Variants in SLC7A1 observed in about 807,000 individuals in gnomAD.
SLC7A1 encodes solute carrier family 7 member 1.
SLC7A1 carries 10 observed loss-of-function variants against 53.9 expected under a neutral mutation model. The observed-to-expected ratio is 0.19, with a 90% confidence interval of 0.11 to 0.31. The LOEUF is 0.31. Ranked by LOEUF, SLC7A1 falls within the 10% of genes least tolerant of loss-of-function variation. SLC7A1 has a pLI of 1.00. For missense variants in SLC7A1, 525 were observed against 827.2 expected, an observed-to-expected ratio of 0.63 and a Z score of 4.48; for synonymous variants, 342 against 338.7, an observed-to-expected ratio of 1.01 and a Z score of -0.11.
chr13:29,575,878 T>A (rs1166313440), intron 1 of SLC7A1, among the ~76,000 whole-genome samples: 1 of 152,182 alleles, frequency 6.6e-6, no homozygotes, highest in Non-Finnish European at 1.5e-5. Flanking sequence ...AGCTCCCCAT[T>A]CAGAGCTGAA....
chr13:29,584,256 C>T (rs567378713), intron 1 of SLC7A1, among the ~76,000 whole-genome samples: 1 of 152,222 alleles, frequency 6.6e-6, no homozygotes, highest in South Asian at 2.1e-4. Flanking sequence ...TGGGACCCAG[C>T]CCTCTGCTAG....
intron 1 of SLC7A1, among the ~76,000 whole-genome samples, chr13:29,582,536 C>A (rs1436948937): frequency 6.6e-5 from 10 of 152,334 alleles, no homozygotes; most frequent in African/African-American, 2.4e-4. Context: ...AAGACACATG[C>A]ATCCCAGACC....
At chr13:29,561,490 G>T (rs1225328865) in intron 1 of SLC7A1, among the ~76,000 whole-genome samples, 2 of 152,204 alleles carry the variant, frequency 1.3e-5, no homozygotes, top group African/African-American at 2.4e-5. Flanking sequence ...TATGTCGGGG[G>T]TGTCAGAGTG....
chr13:29,548,434 G>A lies in SLC7A1; in HGVS notation c.-15+5327C>T, dbSNP rs1181708368. On this transcript the variant is annotated intron_variant, in intron 2 of 12. Coordinates refer to ENST00000380752, the MANE Select transcript of SLC7A1 (RefSeq NM_003045.5). ...AGGTGGCATGTCAGTAACCGGGCGA[G>A]GCTGGCACCCTGGTCTGTGATCTGT... Among the ~76,000 whole-genome samples, 4 of 152,236 alleles carry A rather than the reference G, an allele frequency of 2.6e-5. No homozygotes were observed. The East Asian group carries it at 7.7e-4, about 29-fold the overall frequency.
chr13:29,516,350 G>A (rs1263240978), intron 11 of SLC7A1, 104 bp from the exon 12 acceptor site: 11 of 731,038 alleles, frequency 1.5e-5, no homozygotes, highest in East Asian at 2.7e-5. Context: ...GACAGGGACC[G>A]TCGGGCGAGT....
intron 1 of SLC7A1, among the ~76,000 whole-genome samples, chr13:29,559,779 G>A (rs1247032720): frequency 1.3e-5 from 2 of 151,178 alleles, no homozygotes; most frequent in Non-Finnish European, 2.9e-5. Flanking sequence ...GCAGTGGCGC[G>A]ATCTCGGCTC....
intron 8 of SLC7A1, among the ~76,000 whole-genome samples, chr13:29,520,528 C>A (rs910743771): frequency 6.6e-6 from 1 of 152,200 alleles, no homozygotes; most frequent in African/African-American, 2.4e-5. Flanking sequence ...TTAAAACCTG[C>A]ACCCTTATTT....
rs750085551 is a variant in SLC7A1, at chr13:29,524,154, G to T, written c.804C>A (p.Gly268=). 1 of 1,613,702 alleles carries T rather than the reference G, an allele frequency of 6.2e-7. No homozygotes were observed. Among genetic ancestry groups the T allele is most frequent in the South Asian group, 1.1e-5 (1 of 91,032 alleles). ...TACCTGTGGTGGCGATGCAGTCAAA[G>T]CCCACGAAGGCATAGAAGCAAGTCG... is the stretch of plus-strand genomic sequence containing the variant. ...GAATCFYAFV[G]FDCIATTGEE... is the part of the protein sequence containing the mutation. The change falls in exon 6 of 13, where the codon GGC becomes GGA. Residue 268 remains glycine, a synonymous_variant. Transcript: ENST00000380752.
intron 1 of SLC7A1, among the ~76,000 whole-genome samples, chr13:29,589,637 G>A (rs576069472): frequency 1.3e-4 from 20 of 152,312 alleles, no homozygotes; most frequent in Admixed American, 1.3e-4. Flanking sequence ...GCCCTCCAGC[G>A]TTGGGGCGGG....
chr13:29,535,165 T>A (rs940203478), intron 3 of SLC7A1, among the ~76,000 whole-genome samples: 1 of 152,086 alleles, frequency 6.6e-6, no homozygotes, highest in South Asian at 2.1e-4. Flanking sequence ...CCCAAAGACA[T>A]AAAGTAATTA....
At chr13:29,544,155 C>A (rs778392957) in intron 2 of SLC7A1, among the ~76,000 whole-genome samples, 4 of 152,172 alleles carry the variant, frequency 2.6e-5, no homozygotes, top group Non-Finnish European at 5.9e-5. Flanking sequence ...GAACCCAGTG[C>A]GATCTTTACA....
chr13:29,532,686 CATGCAGTACAAAAACAAAACAAAAAGAA>C (rs1400964258), intron 4 of SLC7A1, 110 bp downstream of exon 4: 1 of 685,778 alleles, frequency 1.5e-6, no homozygotes, highest in Admixed American at 3.0e-5. Context: ...AAGATGCCTG[CATGCAGTACAAAAACAAAACAAAAAGAA>C]ATGGGGGTTA....
chr13:29,544,854 G>A (rs371513847), intron 2 of SLC7A1, among the ~76,000 whole-genome samples: 7 of 103,354 alleles, frequency 6.8e-5, no homozygotes, highest in Admixed American at 1.1e-4. Context: ...AGGTGACATC[G>A]CACCTGCCTC....
intron 4 of SLC7A1, among the ~76,000 whole-genome samples, chr13:29,531,264 A>C (rs146457074): frequency 6.6e-6 from 1 of 152,320 alleles, no homozygotes; most frequent in East Asian, 1.9e-4. Flanking sequence ...CGTTGGACTC[A>C]GTGCATATAA....
At chr13:29,543,646 G>A (rs755243419) in intron 2 of SLC7A1, among the ~76,000 whole-genome samples, 112 of 152,022 alleles carry the variant, frequency 7.4e-4, no homozygotes, top group Non-Finnish European at 1.4e-3. Flanking sequence ...GGTTCCCCAG[G>A]AGGAGGGAGA....
At chr13:29,570,718 A>T (rs1871157636) in intron 1 of SLC7A1, among the ~76,000 whole-genome samples, 1 of 152,112 alleles carries the variant, frequency 6.6e-6, no homozygotes, top group African/African-American at 2.4e-5. Flanking sequence ...TTAGCGAGAG[A>T]TGGTGGCTTG....
intron 1 of SLC7A1, among the ~76,000 whole-genome samples, chr13:29,565,714 T>C (rs1870939671): frequency 6.6e-6 from 1 of 152,178 alleles, no homozygotes; most frequent in South Asian, 2.1e-4. Context: ...ACTTATGCCC[T>C]GGAGAAAAGC....
At chr13:29,564,095 GAGGA>G (rs752877010) in intron 1 of SLC7A1, among the ~76,000 whole-genome samples, 2 of 152,312 alleles carry the variant, frequency 1.3e-5, no homozygotes, top group East Asian at 3.9e-4. Context: ...TGGGGAGAAA[GAGGA>G]AGGGAGGACA....
At chr13:29,548,079 G>A (rs1870001676) in intron 2 of SLC7A1, among the ~76,000 whole-genome samples, 1 of 152,212 alleles carries the variant, frequency 6.6e-6, no homozygotes, top group Non-Finnish European at 1.5e-5. Context: ...AGTCACGGAA[G>A]TGTAACAGGC....
Sources: gnomAD v4.1 joint callset for allele counts (sites outside exome capture counted in the v4.1 genomes callset) on GRCh38, gnomAD v4.1.1 for gene constraint, MANE v1.5 for transcripts, NCBI Gene and HGNC (gene_info 2026-07-23, HGNC 2026-07-21) for gene names.